Variants in SORCS2 observed in about 807,000 individuals in gnomAD.
SORCS2 encodes VPS10 domain-containing receptor SorCS2.
In SORCS2, 100 loss-of-function variants were observed where a neutral mutation model predicts 141.6. That is an observed-to-expected ratio of 0.71 (90% confidence interval 0.60 to 0.83). SORCS2 has a LOEUF of 0.83. Ranked by LOEUF, SORCS2 falls within the 40% of genes least tolerant of loss-of-function variation. The pLI is 0.00. For synonymous variants in SORCS2, 789 were observed against 676.9 expected (o/e 1.17, Z -2.57); for missense variants, 1,646 against 1,560.2 (o/e 1.05, Z -0.93).
intron 3 of SORCS2, among the ~76,000 whole-genome samples, chr4:7,582,874 C>G (rs578178662): frequency 4.6e-5 from 7 of 152,090 alleles, no homozygotes; most frequent in Admixed American, 1.3e-4. Context: ...CTGGTCATGC[C>G]CACCCTGTCA....
intron 1 of SORCS2, among the ~76,000 whole-genome samples, chr4:7,347,230 G>A (rs919123997): frequency 2.0e-5 from 3 of 152,140 alleles, no homozygotes; most frequent in South Asian, 2.1e-4. Flanking sequence ...CTCAGGTGGG[G>A]CACCTGTGCC....
At chr4:7,448,264 A>C in intron 2 of SORCS2, among the ~76,000 whole-genome samples, 1 of 152,082 alleles carries the variant, frequency 6.6e-6, no homozygotes. Context: ...GCGCAGGGCA[A>C]GGGGCATCTC....
At chr4:7,519,704 G>A (rs533723249) in intron 2 of SORCS2, among the ~76,000 whole-genome samples, 2 of 152,344 alleles carry the variant, frequency 1.3e-5, no homozygotes, top group East Asian at 3.9e-4. Context: ...GCCAGCACTG[G>A]CTGATCTCAG....
intron 1 of SORCS2, among the ~76,000 whole-genome samples, chr4:7,248,220 C>G (rs1327067953): frequency 6.6e-6 from 1 of 152,194 alleles, no homozygotes; most frequent in African/African-American, 2.4e-5. Context: ...CGCATGGGGT[C>G]CTTGCGGGGC....
Position 7,654,168 on chromosome 4 carries a change from C to A in SORCS2, c.848C>A (p.Thr283Lys). The A allele has an allele frequency of 6.3e-7, 1 of 1,584,098 alleles. No individual in the cohort carries two copies. The highest frequency in any genetic ancestry group is 8.6e-7 in the Non-Finnish European group (1 of 1,163,684). ...YVSSDLGKKWTLLQERVTKDH... is the reference protein window; with the variant it reads ...YVSSDLGKKWKLLQERVTKDH... ...TCATCTGACTTGGGGAAAAAGTGGA[C>A]ACTTCTGCAAGAGCGAGTGACCAAA... The change falls in exon 5 of 27, where the codon ACA (threonine) becomes AAA (lysine). Residue 283 changes from threonine (T) to lysine (K), a missense_variant. Transcript: ENST00000507866.
chr4:7,622,507 C>G lies in SORCS2; in HGVS notation c.649-15821C>G, dbSNP rs77783627. On this transcript the variant is annotated intron_variant, in intron 3 of 26. Coordinates refer to ENST00000507866, the MANE Select transcript of SORCS2 (RefSeq NM_020777.3). ...AGATGTGCTGGTCCAGCCGGCCCCT[C>G]TGCTGCTGCGTCCTGCTTCCAGGCA... Among the ~76,000 whole-genome samples the G allele has an allele frequency of 4.8e-3, 732 of 152,334 alleles. 3 individuals are homozygous for G. The highest frequency in any genetic ancestry group is 0.017 in the African/African-American group (703 of 41,572).
At chr4:7,627,850 G>C (rs927534320) in intron 3 of SORCS2, among the ~76,000 whole-genome samples, 1 of 152,222 alleles carries the variant, frequency 6.6e-6, no homozygotes, top group East Asian at 1.9e-4. Flanking sequence ...GTGGAGGAAG[G>C]GGTTTGACAC....
chr4:7,294,616 C>T lies in SORCS2; in HGVS notation c.480+101490C>T, dbSNP rs933947104. On this transcript the variant is annotated intron_variant, in intron 1 of 26. Coordinates refer to ENST00000507866, the MANE Select transcript of SORCS2 (RefSeq NM_020777.3). Reference sequence around the variant, plus strand: ...TCCTCTGGGCCCAGCCAGTACTTGCCGTGGGCAAATCCTCCTAGTTCACCT... The same window carrying T: ...TCCTCTGGGCCCAGCCAGTACTTGCTGTGGGCAAATCCTCCTAGTTCACCT... Among the ~76,000 whole-genome samples the T allele has an allele frequency of 4.6e-5, 7 of 151,204 alleles. 1 individual carries two copies. In the South Asian group the frequency reaches 6.3e-4, roughly 14 times the overall value.
At chr4:7,265,629 A>T (rs1030799297) in intron 1 of SORCS2, among the ~76,000 whole-genome samples, 53 of 152,164 alleles carry the variant, frequency 3.5e-4, no homozygotes, top group Admixed American at 3.3e-3. Context: ...TGCCCTGTGG[A>T]CACACGGCCT....
intron 1 of SORCS2, among the ~76,000 whole-genome samples, chr4:7,262,757 C>T (rs571972759): frequency 6.6e-6 from 1 of 152,322 alleles, no homozygotes; most frequent in African/African-American, 2.4e-5. Context: ...TCCACACAGC[C>T]CTCAGCAGGG....
chr4:7,704,583 G>A (rs1263957375), intron 14 of SORCS2, among the ~76,000 whole-genome samples: 1 of 152,194 alleles, frequency 6.6e-6, no homozygotes, highest in South Asian at 2.1e-4. Flanking sequence ...ATCATCATAG[G>A]GCAGAGCTGG....
intron 1 of SORCS2, among the ~76,000 whole-genome samples, chr4:7,353,528 G>A (rs1313864651): frequency 6.6e-6 from 1 of 152,216 alleles, no homozygotes; most frequent in South Asian, 2.1e-4. Flanking sequence ...ATGAGGCCTG[G>A]CACTTAGTAG....
chr4:7,238,309 T>C (rs1178270718), intron 1 of SORCS2, among the ~76,000 whole-genome samples: 3 of 152,134 alleles, frequency 2.0e-5, no homozygotes, highest in Non-Finnish European at 4.4e-5. Context: ...TTGCTGGTAC[T>C]GCATACAGCT....
At chr4:7,387,470 GATACACATGCACATAC>G (rs1723453830) in intron 1 of SORCS2, among the ~76,000 whole-genome samples, 1 of 141,410 alleles carries the variant, frequency 7.1e-6, no homozygotes, top group Non-Finnish European at 1.5e-5. Flanking sequence ...CAGATACAGA[GATACACATGCACATAC>G]ATACACATGC....
intron 2 of SORCS2, among the ~76,000 whole-genome samples, chr4:7,410,948 C>CTTTT (rs1560262247): frequency 1.1e-5 from 1 of 94,574 alleles, no homozygotes; most frequent in African/African-American, 3.7e-5. Flanking sequence ...TTCTCTCCAT[C>CTTTT]CTTTTTTTTT....
At chr4:7,265,064 A>G (rs1036774049) in intron 1 of SORCS2, among the ~76,000 whole-genome samples, 12 of 152,206 alleles carry the variant, frequency 7.9e-5, no homozygotes, top group African/African-American at 2.7e-4. Context: ...AGTTGGGGCC[A>G]TGCTCTGCAT....
intron 1 of SORCS2, among the ~76,000 whole-genome samples, chr4:7,366,824 T>TC (rs1243334534): frequency 6.6e-6 from 1 of 152,168 alleles, no homozygotes; most frequent in Non-Finnish European, 1.5e-5. Flanking sequence ...CTCAAGTGTG[T>TC]CCCTGGCTCA....
chr4:7,621,573 ATATGTGTGTGTTTATGTGTGTGTC>A (rs1560432901), intron 3 of SORCS2, among the ~76,000 whole-genome samples: 2 of 150,134 alleles, frequency 1.3e-5, no homozygotes, highest in African/African-American at 2.4e-5. Flanking sequence ...CTGTGTGTGT[ATATGTGTGTGTTTATGTGTGTGTC>A]TATGTGTGTG....
rs373560146 is a variant in SORCS2 at position 7,286,678 on chromosome 4, G to T, written c.480+93552G>T. Among the ~76,000 whole-genome samples the T allele has an allele frequency of 2.0e-5, 3 of 152,196 alleles. No homozygotes were observed. Among genetic ancestry groups the T allele is most frequent in the Non-Finnish European group, 4.4e-5 (3 of 68,032 alleles). Reference sequence around the variant, plus strand: ...CAAGGGTGAGAGAGAGCTGGGACTCGACTCTGGGCCTCCTGCCTTCTGGCC... The same window carrying T: ...CAAGGGTGAGAGAGAGCTGGGACTCTACTCTGGGCCTCCTGCCTTCTGGCC... On this transcript the variant is annotated intron_variant, in intron 1 of 26. Transcript: ENST00000507866. The surrounding 1 kb of genome is among the most constrained non-coding windows in gnomAD (Gnocchi z 4.1).
Sources: allele counts gnomAD v4.1 joint callset (sites outside exome capture counted in the v4.1 genomes callset), GRCh38; gene constraint gnomAD v4.1.1; non-coding constraint Gnocchi (gnomAD v3.1); transcripts MANE v1.5; gene names NCBI Gene and HGNC (gene_info 2026-07-23, HGNC 2026-07-21).